The following ADCY8 variants were observed in gnomAD, a reference collection of about 807,000 sequenced individuals.
ADCY8 encodes adenylate cyclase type 8.
A neutral mutation model predicts 119.7 loss-of-function variants in ADCY8; 51 were observed. The ratio of observed to expected loss-of-function variants is 0.43; its 90% CI spans 0.34 to 0.54. ADCY8 has a LOEUF of 0.54. ADCY8 is among the 20% of genes least tolerant of loss of function. The probability of loss-of-function intolerance (pLI) is 0.03; values close to 1 mark genes in which losing one functional copy is unlikely to be tolerated. For synonymous variants in ADCY8, 665 were observed against 651.0 expected (o/e 1.02, Z -0.33); for missense variants, 1,383 against 1,598.8 (o/e 0.87, Z 2.30).
At chr8:130,893,335 C>G (rs938438925) in intron 7 of ADCY8, among the ~76,000 whole-genome samples, 1 of 152,046 alleles carries the variant, frequency 6.6e-6, no homozygotes, top group Non-Finnish European at 1.5e-5. Flanking sequence ...GGAATGGAGG[C>G]AAGATTTCTG....
intron 12 of ADCY8, among the ~76,000 whole-genome samples, chr8:130,830,261 A>C (rs948383843): frequency 6.6e-6 from 1 of 152,190 alleles, no homozygotes; most frequent in African/African-American, 2.4e-5. Flanking sequence ...AATCATGTTC[A>C]AAATGGTGGC....
chr8:130,947,812 A>G (rs915683912), intron 3 of ADCY8, among the ~76,000 whole-genome samples: 5 of 152,236 alleles, frequency 3.3e-5, no homozygotes, highest in Non-Finnish European at 2.9e-5. Context: ...GGCAGGGCCA[A>G]TAGGAAATGG....
In ADCY8 at chr8:130,905,942, A is replaced by T. The variant is rs1004563721; in HGVS notation, c.1641-1900T>A. 7.9e-5 allele frequency among the ~76,000 whole-genome samples: 12 copies of T among 152,294 alleles called. No individual in the cohort carries two copies. In the East Asian group the frequency reaches 1.9e-3, roughly 24 times the overall value. On this transcript the variant is annotated intron_variant, in intron 6 of 17. Transcript: ENST00000286355. ...TCTGCTACTCCCTCTCATCCTTCTAACCCATTCTGCTAAATCCCTCCTTAC... is the reference window on the plus strand; with the variant it reads ...TCTGCTACTCCCTCTCATCCTTCTATCCCATTCTGCTAAATCCCTCCTTAC...
intron 2 of ADCY8, among the ~76,000 whole-genome samples, chr8:130,981,895 A>T (rs2130725384): frequency 6.6e-6 from 1 of 152,342 alleles, no homozygotes; most frequent in East Asian, 1.9e-4. Flanking sequence ...CCAATGGGTC[A>T]GATGCTTTCT....
chr8:131,021,538 A>C (rs1450126851), intron 1 of ADCY8, among the ~76,000 whole-genome samples: 1 of 152,112 alleles, frequency 6.6e-6, no homozygotes, highest in East Asian at 1.9e-4. Flanking sequence ...CTGTGTACCC[A>C]CTCAAATCTC....
intron 9 of ADCY8, among the ~76,000 whole-genome samples, chr8:130,853,877 C>A (rs746319590): frequency 6.6e-6 from 1 of 152,148 alleles, no homozygotes; most frequent in Non-Finnish European, 1.5e-5. Flanking sequence ...CTGAGAATTA[C>A]TTTTTAATCT....
At chr8:130,821,446 A>C in intron 12 of ADCY8, 26 bp from the exon 13 acceptor site, 1 of 1,582,972 alleles carries the variant, frequency 6.3e-7, no homozygotes, top group Non-Finnish European at 8.7e-7. Flanking sequence ...AGGAACTGAT[A>C]ACCATGGGGG....
intron 2 of ADCY8, among the ~76,000 whole-genome samples, chr8:130,966,087 G>C (rs1821752741): frequency 6.6e-6 from 1 of 152,174 alleles, no homozygotes; most frequent in Non-Finnish European, 1.5e-5. Context: ...TTGATCATTA[G>C]TAAACTGGGA....
chr8:130,990,163 C>A (rs1822530025), intron 2 of ADCY8, among the ~76,000 whole-genome samples: 1 of 152,196 alleles, frequency 6.6e-6, no homozygotes, highest in Non-Finnish European at 1.5e-5. Context: ...AAATTTGTGA[C>A]TGTAACCTCT....
At chr8:130,943,595 T>G in intron 3 of ADCY8, 133 bp from the exon 4 acceptor site, 1 of 620,760 alleles carries the variant, frequency 1.6e-6, no homozygotes, top group Non-Finnish European at 2.9e-6. Flanking sequence ...CTTGCTGCCA[T>G]GAGAGTCAGG....
chr8:130,869,977 C>CT (rs1343437958), intron 8 of ADCY8, among the ~76,000 whole-genome samples: 2 of 125,222 alleles, frequency 1.6e-5, no homozygotes, highest in African/African-American at 5.8e-5. Context: ...TTCCTTCTTC[C>CT]TCCTCCTCCT....
intron 5 of ADCY8, among the ~76,000 whole-genome samples, chr8:130,919,799 C>G (rs1820245130): frequency 6.6e-6 from 1 of 152,132 alleles, no homozygotes; most frequent in Non-Finnish European, 1.5e-5. Flanking sequence ...CACCACAGCC[C>G]AGCCCACTTC....
intron 5 of ADCY8, among the ~76,000 whole-genome samples, chr8:130,931,385 AT>A (rs1247947378): frequency 6.6e-6 from 1 of 152,060 alleles, no homozygotes; most frequent in Non-Finnish European, 1.5e-5. Flanking sequence ...TTTGTCTTTG[AT>A]TTTAATAGTT....
At chr8:130,829,449 T>A (rs1816762622) in intron 12 of ADCY8, among the ~76,000 whole-genome samples, 1 of 144,246 alleles carries the variant, frequency 6.9e-6, no homozygotes, top group African/African-American at 2.4e-5. Flanking sequence ...CACCCTGGCT[T>A]TGAAAAGAAG....
chr8:130,790,030 T>C (rs962236194), intron 15 of ADCY8, among the ~76,000 whole-genome samples: 3 of 152,224 alleles, frequency 2.0e-5, no homozygotes, highest in Non-Finnish European at 2.9e-5. Flanking sequence ...AGGTAGTTAT[T>C]GAATATTATA....
chr8:131,020,145 G>C (rs997713827), intron 1 of ADCY8, among the ~76,000 whole-genome samples: 1 of 152,094 alleles, frequency 6.6e-6, no homozygotes, highest in Non-Finnish European at 1.5e-5. Flanking sequence ...AGATCTAAGA[G>C]GTAGATCCCA....
intron 1 of ADCY8, among the ~76,000 whole-genome samples, chr8:131,027,094 C>T (rs2130803653): frequency 6.6e-6 from 1 of 152,330 alleles, no homozygotes; most frequent in African/African-American, 2.4e-5. Flanking sequence ...AGTTCTGTCT[C>T]ATTGAGAGTC....
Position 130,882,215 on chromosome 8 carries a change from T to A in ADCY8, c.2109+2349A>T, listed in dbSNP as rs146690385. Among the ~76,000 whole-genome samples the A allele has an allele frequency of 5.7e-4, 87 of 151,802 alleles. No homozygotes were observed. In the East Asian group the frequency reaches 7.6e-3, roughly 13 times the overall value. On this transcript the variant is annotated intron_variant, in intron 8 of 17. Coordinates refer to ENST00000286355, the MANE Select transcript of ADCY8 (RefSeq NM_001115.3). ...GAGTCAATGAAATATAGTAGCTGGA[T>A]TTTGAGATCTAAGATCTCCACTTAA... is the stretch of plus-strand genomic sequence containing the variant.
At chr8:130,983,658 T>G (rs990721273) in intron 2 of ADCY8, among the ~76,000 whole-genome samples, 1 of 152,060 alleles carries the variant, frequency 6.6e-6, no homozygotes, top group Non-Finnish European at 1.5e-5. Flanking sequence ...TGAAATTGGG[T>G]GGGTTCTATG....
Sources: allele counts gnomAD v4.1 joint callset (sites outside exome capture counted in the v4.1 genomes callset), GRCh38; gene constraint gnomAD v4.1.1; transcripts MANE v1.5; gene names NCBI Gene and HGNC (gene_info 2026-07-23, HGNC 2026-07-21).